The following CNBD1 variants were observed in gnomAD, a reference collection of about 807,000 sequenced individuals.
CNBD1 encodes cyclic nucleotide binding domain containing 1.
Under a neutral mutation model 54.4 loss-of-function variants are expected in CNBD1, and 71 were observed. The observed-to-expected ratio is 1.30, with a 90% CI of 1.08 to 1.59. The LOEUF is 1.59. CNBD1 is among the 40% of genes most tolerant of loss of function. The probability of loss-of-function intolerance (pLI) is 0.00; values close to 1 mark genes in which losing one functional copy is unlikely to be tolerated. For synonymous variants in CNBD1, 182 were observed against 170.7 expected, an observed-to-expected ratio of 1.07 and a Z score of -0.51; for missense variants, 659 against 518.0, an observed-to-expected ratio of 1.27 and a Z score of -2.64.
At chr8:87,425,635 G>A (rs1477115697) in intron 2 of CNBD1, among the ~76,000 whole-genome samples, 3 of 152,228 alleles carry the variant, frequency 2.0e-5, no homozygotes, top group East Asian at 1.9e-4. Flanking sequence ...CTGCTCGGGG[G>A]TCAGGGGTCA....
At chr8:87,047,803 C>T (rs1403312857) in intron 4 of CNBD1, among the ~76,000 whole-genome samples, 2 of 152,048 alleles carry the variant, frequency 1.3e-5, no homozygotes, top group Non-Finnish European at 2.9e-5. Flanking sequence ...TAATCAAAGT[C>T]CCCCTATAAA....
At chr8:86,898,039 A>T (rs1808874534) in intron 2 of CNBD1, among the ~76,000 whole-genome samples, 1 of 152,216 alleles carries the variant, frequency 6.6e-6, no homozygotes, top group Admixed American at 6.5e-5. Context: ...GAAGTTAAAA[A>T]GAATGACATA....
intron 3 of CNBD1, among the ~76,000 whole-genome samples, chr8:86,930,953 A>G (rs1019736806): frequency 6.6e-6 from 1 of 152,174 alleles, no homozygotes; most frequent in Admixed American, 6.5e-5. Context: ...TTGTCCTTCC[A>G]AGTCCTAGAC....
At chr8:87,410,998 A>T (rs773240933) in intron 2 of CNBD1, among the ~76,000 whole-genome samples, 1 of 152,110 alleles carries the variant, frequency 6.6e-6, no homozygotes, top group Non-Finnish European at 1.5e-5. Flanking sequence ...TATTGCACTT[A>T]ATAGTCTATA....
chr8:87,355,437 G>A (rs1216796799), intron 10 of CNBD1, among the ~76,000 whole-genome samples: 2 of 152,064 alleles, frequency 1.3e-5, no homozygotes, highest in African/African-American at 2.4e-5. Flanking sequence ...AAGGCTGGTA[G>A]TATATAAGAC....
intron 6 of CNBD1, among the ~76,000 whole-genome samples, chr8:87,260,407 G>A (rs1808111647): frequency 6.6e-6 from 1 of 152,086 alleles, no homozygotes; most frequent in Non-Finnish European, 1.5e-5. Flanking sequence ...GCTTATGGGG[G>A]CCTAAGCCCG....
At chr8:87,115,640 A>C (rs1219971705) in intron 4 of CNBD1, among the ~76,000 whole-genome samples, 1 of 152,200 alleles carries the variant, frequency 6.6e-6, no homozygotes, top group African/African-American at 2.4e-5. Context: ...ATAGTTCTTA[A>C]GGTTGAAGTT....
chr8:87,360,906 T>C (rs1382272475), intron 10 of CNBD1, among the ~76,000 whole-genome samples: 1 of 151,920 alleles, frequency 6.6e-6, no homozygotes, highest in Admixed American at 6.6e-5. Flanking sequence ...GAGTTTTTAC[T>C]GCAGATATAT....
At chr8:87,062,067 G>A (rs573680900) in intron 4 of CNBD1, among the ~76,000 whole-genome samples, 10 of 152,348 alleles carry the variant, frequency 6.6e-5, no homozygotes, top group South Asian at 2.1e-4. Flanking sequence ...AGTGAACTGA[G>A]GTTGTTGATG....
intron 4 of CNBD1, among the ~76,000 whole-genome samples, chr8:87,012,843 G>GT (rs1461881392): frequency 2.6e-5 from 4 of 152,116 alleles, no homozygotes; most frequent in Non-Finnish European, 4.4e-5. Flanking sequence ...CCAAACCAGT[G>GT]TATTTCTTAA....
Position 87,020,995 on chromosome 8 carries a change from A to G in CNBD1, c.431+81241A>G, listed in dbSNP as rs1465381606. On this transcript the variant is annotated intron_variant, in intron 4 of 10. Transcript: ENST00000518476. Reference sequence around the variant, plus strand: ...CCAGATCTTCAGACAACCTCAACCAATTGTCAACCAGAAAATGTTCAAATT... The same window carrying G: ...CCAGATCTTCAGACAACCTCAACCAGTTGTCAACCAGAAAATGTTCAAATT... 2.6e-5 allele frequency among the ~76,000 whole-genome samples: 4 copies of G among 152,216 alleles called. No individual in the cohort carries two copies. In the East Asian group the frequency reaches 7.7e-4, roughly 29 times the overall value.
intron 5 of CNBD1, among the ~76,000 whole-genome samples, chr8:87,228,247 A>G (rs1257553863): frequency 6.6e-6 from 1 of 150,820 alleles, no homozygotes; most frequent in African/African-American, 2.5e-5. Flanking sequence ...AGCTCGTCAA[A>G]GTCCTTCTCC....
chr8:87,033,585 A>T (rs989502579), intron 4 of CNBD1, among the ~76,000 whole-genome samples: 3 of 152,166 alleles, frequency 2.0e-5, no homozygotes, highest in African/African-American at 7.2e-5. Context: ...ACCCAAATGA[A>T]TTGCACAAAA....
intron 10 of CNBD1, among the ~76,000 whole-genome samples, chr8:87,356,659 G>A (rs1036781916): frequency 6.6e-6 from 1 of 152,128 alleles, no homozygotes; most frequent in Non-Finnish European, 1.5e-5. Context: ...AAAGGAAGCA[G>A]AGCATAAAAT....
chr8:87,053,311 G>T (rs1025660608), intron 4 of CNBD1, among the ~76,000 whole-genome samples: 2 of 152,176 alleles, frequency 1.3e-5, no homozygotes, highest in Non-Finnish European at 2.9e-5. Context: ...AGGCCTGTCT[G>T]CCCTGCAGTT....
At chr8:86,992,425 G>A (rs772698971) in intron 4 of CNBD1, among the ~76,000 whole-genome samples, 5 of 151,956 alleles carry the variant, frequency 3.3e-5, no homozygotes. Flanking sequence ...TTTTATTCAG[G>A]TTGCCACTCT....
chr8:87,371,844 A>T (rs1185063908), intron 10 of CNBD1, among the ~76,000 whole-genome samples: 2 of 151,998 alleles, frequency 1.3e-5, no homozygotes, highest in African/African-American at 4.8e-5. Context: ...ATCTCAAAAT[A>T]ATAAGAGCTA....
intron 8 of CNBD1, among the ~76,000 whole-genome samples, chr8:87,337,615 T>G (rs756619469): frequency 6.6e-6 from 1 of 152,202 alleles, no homozygotes; most frequent in South Asian, 2.1e-4. Flanking sequence ...CTTTTGAGTG[T>G]GATCTTCCAA....
At chr8:87,383,475 T>A (rs1811128764), downstream of CNBD1, among the ~76,000 whole-genome samples, 2 of 152,162 alleles carry the variant, frequency 1.3e-5, no homozygotes, top group Non-Finnish European at 2.9e-5. Flanking sequence ...GTTTAATTTT[T>A]CTGTCATTCC....
Sources: allele counts gnomAD v4.1 joint callset (sites outside exome capture counted in the v4.1 genomes callset), GRCh38; gene constraint gnomAD v4.1.1; transcripts MANE v1.5; gene names NCBI Gene and HGNC (gene_info 2026-07-23, HGNC 2026-07-21).